Variants in ABI1 observed in about 807,000 individuals in gnomAD.
ABI1 encodes the protein abl interactor 1, also known as Abelson interactor 1.
In ABI1, 14 loss-of-function variants were observed where a neutral mutation model predicts 54.6. The observed-to-expected ratio is 0.26, with a 90% CI of 0.17 to 0.40. The LOEUF (loss-of-function observed/expected upper bound fraction) is 0.40. Ranked by LOEUF, ABI1 falls within the 10% of genes least tolerant of loss-of-function variation. The pLI, the probability that ABI1 is intolerant of heterozygous loss-of-function variation, is 1.00. For missense variants in ABI1, 443 were observed against 598.3 expected, an observed-to-expected ratio of 0.74 and a Z score of 2.71; for synonymous variants, 194 against 209.3, an observed-to-expected ratio of 0.93 and a Z score of 0.63.
intron 2 of ABI1, among the ~76,000 whole-genome samples, chr10:26,803,019 A>G (rs766509038): frequency 1.2e-4 from 18 of 152,236 alleles, no homozygotes; most frequent in Non-Finnish European, 2.1e-4. Context: ...TAGAAGTACT[A>G]GGAAAAATCA....
rs781080169 is a variant in ABI1 at position 26,755,676 on chromosome 10, C to G, written c.1063G>C (p.Val355Leu). The stretch of plus-strand genomic sequence containing the variant: ...TTACTGTTTTCCTGCACCCTGGCCA[C>G]GAAGCCTGTGAGAGGTATCTGTGGA... ...LTPQIPLTGF[V>L]ARVQENIADS... is the part of the protein sequence containing the mutation. Residue 355 changes from valine to leucine, a missense_variant, in exon 9 of 11, where the codon GTG (valine) becomes CTG (leucine). Around this residue, in one of 2 missense-constraint regions of ABI1, gnomAD observed 394 missense variants for 484.8 expected, o/e 0.81. Transcript: ENST00000376140. The G allele has an allele frequency of 6.8e-6, 11 of 1,613,258 alleles. No homozygotes were observed. The highest frequency in any genetic ancestry group is 9.3e-6 in the Non-Finnish European group (11 of 1,179,488).
chr10:26,770,914 A>G (rs916583671), intron 4 of ABI1, among the ~76,000 whole-genome samples, 161 bp downstream of exon 4: 10 of 152,236 alleles, frequency 6.6e-5, no homozygotes, highest in African/African-American at 2.4e-4. Context: ...GCCAAGCTAA[A>G]TGTTGCTTAT....
intron 1 of ABI1, among the ~76,000 whole-genome samples, chr10:26,826,702 C>T (rs1011981248): frequency 6.6e-6 from 1 of 151,156 alleles, no homozygotes; most frequent in African/African-American, 2.5e-5. Flanking sequence ...GGGTAACTTG[C>T]TGCAGCTTCT....
At chr10:26,765,090 C>T (rs1396656212) in intron 7 of ABI1, 128 bp downstream of exon 7, 1 of 674,792 alleles carries the variant, frequency 1.5e-6, no homozygotes, top group Admixed American at 3.5e-5. Flanking sequence ...TTGTTATCAG[C>T]CTTTATTCTA....
chr10:26,770,935 C>T, intron 4 of ABI1, 140 bp downstream of exon 4: 1 of 832,806 alleles, frequency 1.2e-6, no homozygotes, highest in Non-Finnish European at 2.0e-6. Context: ...TTGAACTGAA[C>T]TTGAGTATTA....
chr10:26,847,708 A>G (rs2050084856), intron 1 of ABI1, among the ~76,000 whole-genome samples: 1 of 152,198 alleles, frequency 6.6e-6, no homozygotes, highest in African/African-American at 2.4e-5. Flanking sequence ...ACCTTTTAAA[A>G]GAGATATTAT....
rs1050800889 is a variant in ABI1 at position 26,785,983 on chromosome 10, T to C, written c.286-8742A>G. ...TATTCTCATCAGTAATAAAGTCCTA[T>C]GTCTCTGGTCCAGAAGTCTTCTGTC... On this transcript the variant is annotated intron_variant, in intron 2 of 10. Transcript: ENST00000376140. Among the ~76,000 whole-genome samples the C allele has an allele frequency of 3.3e-5, 5 of 152,276 alleles. No individual in the cohort carries two copies. The East Asian group carries it at 9.7e-4, about 29-fold the overall frequency.
chr10:26,853,627 C>A (rs565594183), intron 1 of ABI1, among the ~76,000 whole-genome samples: 21 of 151,442 alleles, frequency 1.4e-4, no homozygotes, highest in Non-Finnish European at 2.9e-4. Flanking sequence ...GCAAGCTCCG[C>A]CTCCGGGTTC....
At chr10:26,751,488 G>T (rs1395252970) in intron 10 of ABI1, 110 bp downstream of exon 10, 6 of 1,052,444 alleles carry the variant, frequency 5.7e-6, no homozygotes, top group Non-Finnish European at 8.0e-6. Context: ...CATCTTGGTT[G>T]GTAAGGCAGT....
intron 5 of ABI1, 143 bp from the exon 6 acceptor site, chr10:26,769,135 T>C: frequency 4.9e-6 from 3 of 607,140 alleles, no homozygotes; most frequent in Non-Finnish European, 7.6e-6. Context: ...TTAAAAAATA[T>C]TCTTCACTGG....
In ABI1 at chr10:26,851,196, GT is replaced by G. The variant is rs569962331; in HGVS notation, c.117+9550del. Among the ~76,000 whole-genome samples the G allele has an allele frequency of 1.9e-4, 29 of 151,880 alleles. No individual in the cohort carries two copies. In the East Asian group the frequency reaches 4.8e-3, roughly 25 times the overall value. ...AGTGGGAGATGGAGGAAAATGCTTG[GT>G]TTTTTGTTTTTATTTTAAAAGACAG... On this transcript the variant is annotated intron_variant, in intron 1 of 10. Coordinates refer to ENST00000376140, the MANE Select transcript of ABI1 (RefSeq NM_001012750.3).
At chr10:26,841,815 T>C (rs1398767213) in intron 1 of ABI1, among the ~76,000 whole-genome samples, 2 of 152,232 alleles carry the variant, frequency 1.3e-5, no homozygotes, top group Non-Finnish European at 2.9e-5. Flanking sequence ...GCATATCACA[T>C]GTTCTTTATC....
Position 26,747,858 on chromosome 10 carries a change from A to G in ABI1, c.*712T>C. The G allele has an allele frequency of 5.2e-6, 1 of 193,082 alleles. No individual in the cohort carries two copies. 12.0% of individuals were successfully genotyped at this position (193,082 alleles called of 1,614,324 possible). A position where few individuals can be genotyped will look rare whatever the true frequency, so the allele number is the denominator to read the frequency against. On this transcript the variant is annotated 3_prime_UTR_variant, in exon 11 of 11. Coordinates refer to ENST00000376140, the MANE Select transcript of ABI1 (RefSeq NM_001012750.3). The stretch of plus-strand genomic sequence containing the variant: ...TTATTTTTTTTAAAGCAAATCAGTG[A>G]AGGAAAGGACAAAAACCTTTGGTTC...
Position 26,787,065 on chromosome 10 carries a change from C to T in ABI1, c.286-9824G>A, listed in dbSNP as rs534210717. On this transcript the variant is annotated intron_variant, in intron 2 of 10. Coordinates refer to ENST00000376140, the MANE Select transcript of ABI1 (RefSeq NM_001012750.3). Reference sequence around the variant, plus strand: ...TTTTACTAAATCCTGTCACATCTACCTTTAAATACCAGAAATCTGTTTCTA... The same window carrying T: ...TTTTACTAAATCCTGTCACATCTACTTTTAAATACCAGAAATCTGTTTCTA... 6.6e-5 allele frequency among the ~76,000 whole-genome samples: 10 copies of T among 152,268 alleles called. 1 individual carries two copies. In the East Asian group the frequency reaches 1.5e-3, roughly 24 times the overall value.
At chr10:26,781,692 T>TAAATAC (rs1445019252) in intron 2 of ABI1, among the ~76,000 whole-genome samples, 2 of 152,182 alleles carry the variant, frequency 1.3e-5, no homozygotes, top group Non-Finnish European at 2.9e-5. Flanking sequence ...AGTCAGCCAC[T>TAAATAC]TGGAAAACTA....
chr10:26,780,955 T>C (rs1375122107), intron 2 of ABI1, among the ~76,000 whole-genome samples: 1 of 152,124 alleles, frequency 6.6e-6, no homozygotes, highest in Non-Finnish European at 1.5e-5. Context: ...GAGTGTATAG[T>C]GGTATTGATA....
chr10:26,759,194 T>A lies in ABI1; in HGVS notation c.865A>T (p.Arg289Trp), dbSNP rs146025029. ...APGSQYGTMTRQISRHNSTTS... is the reference protein window; with the variant it reads ...APGSQYGTMTWQISRHNSTTS... Reference sequence around the variant, plus strand: ...GTAGAGTTGTGTCGAGATATCTGCCTGGTCATTGTGCCATACTGGGAACCA... The same window carrying A: ...GTAGAGTTGTGTCGAGATATCTGCCAGGTCATTGTGCCATACTGGGAACCA... The change falls in exon 8 of 11, where the codon AGG (arginine) becomes TGG (tryptophan). Residue 289 changes from arginine (R) to tryptophan (W), a missense_variant. Around this residue, in one of 2 missense-constraint regions of ABI1, gnomAD observed 394 missense variants for 484.8 expected, o/e 0.81. Transcript: ENST00000376140. 23 of 1,614,018 alleles carry A rather than the reference T, an allele frequency of 1.4e-5. No individual in the cohort carries two copies. The highest frequency in any genetic ancestry group is 2.7e-5 in the African/African-American group (2 of 74,920).
At chr10:26,821,536 G>A (rs921488150) in intron 2 of ABI1, among the ~76,000 whole-genome samples, 2 of 152,132 alleles carry the variant, frequency 1.3e-5, no homozygotes, top group African/African-American at 4.8e-5. Flanking sequence ...TGTCGCTCAA[G>A]CATGTAATCC....
At chr10:26,832,396 C>T (rs539593340) in intron 1 of ABI1, among the ~76,000 whole-genome samples, 1 of 151,978 alleles carries the variant, frequency 6.6e-6, no homozygotes, top group Non-Finnish European at 1.5e-5. Context: ...TCCTGGCTAA[C>T]ACAATGAAAC....
Sources: allele counts gnomAD v4.1 joint callset (sites outside exome capture counted in the v4.1 genomes callset), GRCh38; gene constraint gnomAD v4.1.1; regional missense constraint gnomAD v4.1.1; transcripts MANE v1.5; gene names NCBI Gene and HGNC (gene_info 2026-07-23, HGNC 2026-07-21).